MAST4: variants seen among roughly 807,000 people sequenced by gnomAD.
MAST4 encodes the protein microtubule associated serine/threonine kinase family member 4, also known as microtubule-associated serine/threonine-protein kinase 4.
In MAST4, 89 loss-of-function variants were observed where a neutral mutation model predicts 162.7. That is an observed-to-expected ratio of 0.55 (90% CI 0.46 to 0.65). MAST4 has a LOEUF of 0.65. Among genes scored for constraint, MAST4 ranks in the 30% least tolerant of loss-of-function variants. The pLI is 0.00. For missense variants in MAST4, 3,153 were observed against 3,374.0 expected, an observed-to-expected ratio of 0.93 and a Z score of 1.62; for synonymous variants, 1,479 against 1,361.1, an observed-to-expected ratio of 1.09 and a Z score of -1.91.
chr5:66,760,987 T>C (rs938107146), intron 2 of MAST4, among the ~76,000 whole-genome samples: 1 of 152,206 alleles, frequency 6.6e-6, no homozygotes, highest in African/African-American at 2.4e-5. Context: ...GAAAAGAAAC[T>C]GCTAAACGGT....
intron 1 of MAST4, among the ~76,000 whole-genome samples, chr5:66,647,026 A>G (rs1474263351): frequency 6.6e-6 from 1 of 152,134 alleles, no homozygotes; most frequent in Non-Finnish European, 1.5e-5. Context: ...TCCAAATGTA[A>G]TATAACATCC....
intron 3 of MAST4, among the ~76,000 whole-genome samples, chr5:66,877,371 C>T (rs572039546): frequency 6.6e-6 from 1 of 152,214 alleles, no homozygotes; most frequent in African/African-American, 2.4e-5. Flanking sequence ...ATCTGTACAG[C>T]AACCTGAGGA....
intron 1 of MAST4, among the ~76,000 whole-genome samples, chr5:66,681,773 A>G (rs28464246): frequency 1.3e-5 from 2 of 152,118 alleles, no homozygotes; most frequent in African/African-American, 2.4e-5. Flanking sequence ...ACCCACCTGT[A>G]TCTCTGCTGT....
chr5:66,618,583 C>T (rs1036064793), intron 1 of MAST4, among the ~76,000 whole-genome samples: 1 of 152,190 alleles, frequency 6.6e-6, no homozygotes, highest in Non-Finnish European at 1.5e-5. Context: ...TGTCTCATTA[C>T]AGAACTAAAC....
At chr5:66,828,853 T>G in intron 3 of MAST4, 1 of 1,606,826 alleles carries the variant, frequency 6.2e-7, no homozygotes, top group Non-Finnish European at 8.5e-7. Context: ...GATGGATGAG[T>G]CCAGCATTCT....
At chr5:66,821,294 T>C (rs1756982176) in intron 3 of MAST4, among the ~76,000 whole-genome samples, 1 of 152,226 alleles carries the variant, frequency 6.6e-6, no homozygotes, top group South Asian at 2.1e-4. Context: ...GAAAAAGACA[T>C]ATACAGTACA....
intron 9 of MAST4, among the ~76,000 whole-genome samples, chr5:67,103,553 A>G (rs1012544607): frequency 9.2e-5 from 14 of 152,224 alleles, no homozygotes; most frequent in Admixed American, 3.9e-4. Flanking sequence ...CCCTGCATAT[A>G]TAATTAATGT....
intron 4 of MAST4, among the ~76,000 whole-genome samples, chr5:66,919,789 C>T (rs927139527): frequency 6.6e-6 from 1 of 152,008 alleles, no homozygotes; most frequent in African/African-American, 2.4e-5. Flanking sequence ...TAAAGGTCAC[C>T]AGGACTGTTT....
intron 3 of MAST4, among the ~76,000 whole-genome samples, chr5:66,820,356 A>T (rs542512612): frequency 6.6e-6 from 1 of 152,222 alleles, no homozygotes; most frequent in Admixed American, 6.5e-5. Context: ...ATGTTAACAT[A>T]TGAGTTTCTA....
chr5:66,766,135 C>A (rs1188843187), intron 2 of MAST4, among the ~76,000 whole-genome samples: 3 of 152,272 alleles, frequency 2.0e-5, no homozygotes, highest in South Asian at 2.1e-4. Flanking sequence ...AGGACAGAAT[C>A]TTGGGATCTT....
At chr5:67,127,921 G>T (rs1768459544) in intron 14 of MAST4, among the ~76,000 whole-genome samples, 2 of 152,066 alleles carry the variant, frequency 1.3e-5, no homozygotes, top group African/African-American at 2.4e-5. Context: ...GTCTTTTGTT[G>T]GAAGTCCTTT....
At chr5:67,114,258 T>G (rs1478720469) in intron 12 of MAST4, 39 bp downstream of exon 12, 1 of 1,587,884 alleles carries the variant, frequency 6.3e-7, no homozygotes, top group Non-Finnish European at 8.5e-7. Flanking sequence ...ACTTTGCTTA[T>G]GCACTGTCGC....
intron 1 of MAST4, among the ~76,000 whole-genome samples, chr5:66,751,326 C>G (rs1303571006): frequency 6.6e-6 from 1 of 152,174 alleles, no homozygotes; most frequent in Non-Finnish European, 1.5e-5. Flanking sequence ...GAGAAGAAGG[C>G]TTCAGACAAT....
chr5:66,778,547 T>A (rs1169729507), intron 2 of MAST4, among the ~76,000 whole-genome samples: 1 of 152,230 alleles, frequency 6.6e-6, no homozygotes, highest in East Asian at 1.9e-4. Flanking sequence ...AGAAATAGTT[T>A]TTTTATGAAC....
chr5:66,974,463 C>G lies in MAST4; in HGVS notation c.674+74481C>G, dbSNP rs74769782. 3.3e-5 allele frequency among the ~76,000 whole-genome samples: 5 copies of G among 152,286 alleles called. 1 individual carries two copies. In the East Asian group the frequency reaches 9.6e-4, roughly 29 times the overall value. Reference sequence around the variant, plus strand: ...CTGCAAGGGGTTTACAGATGTTTGTCTGGAGTTCGTTGCAATTTTGCTTCT... The same window carrying G: ...CTGCAAGGGGTTTACAGATGTTTGTGTGGAGTTCGTTGCAATTTTGCTTCT... On this transcript the variant is annotated intron_variant, in intron 4 of 28. Coordinates refer to ENST00000403625, the MANE Select transcript of MAST4 (RefSeq NM_001164664.2).
In MAST4 at chr5:66,609,705, G is replaced by GT. The variant is rs77135146; in HGVS notation, c.363+12700dup. ...CCCAGCCTGGTGTTTTTTTTTTTTT[G>GT]TTTTTTTTTTTTTGTTTTGTTTTTA... On this transcript the variant is annotated intron_variant, in intron 1 of 28. Coordinates refer to ENST00000403625, the MANE Select transcript of MAST4 (RefSeq NM_001164664.2). 6.7e-3 allele frequency among the ~76,000 whole-genome samples: 715 copies of GT among 106,286 alleles called. 2 individuals are homozygous for GT. The highest frequency in any genetic ancestry group is 0.024 in the East Asian group (94 of 3,932). 69.7% of individuals were successfully genotyped at this position (106,286 alleles called of 152,430 possible).
At chr5:66,788,320 C>A (rs1280739950) in intron 2 of MAST4, among the ~76,000 whole-genome samples, 1 of 152,164 alleles carries the variant, frequency 6.6e-6, no homozygotes, top group Non-Finnish European at 1.5e-5. Flanking sequence ...AGAACACTTA[C>A]AAATGCACGC....
chr5:66,836,112 A>C lies in MAST4; in HGVS notation c.642+47318A>C, dbSNP rs181074397. On this transcript the variant is annotated intron_variant, in intron 3 of 28. Coordinates refer to ENST00000403625, the MANE Select transcript of MAST4 (RefSeq NM_001164664.2). ...CTTGAGCCTGGGAGGTTGAAGCTGC[A>C]GTGAGCTGTGTTCGTGCCACTGCAC... Among the ~76,000 whole-genome samples, 720 of 152,212 alleles carry C rather than the reference A, an allele frequency of 4.7e-3. 4 individuals are homozygous for C. The highest frequency in any genetic ancestry group is 4.3e-3 in the Non-Finnish European group (291 of 68,010).
chr5:66,753,531 A>C (rs1753326468), intron 1 of MAST4, among the ~76,000 whole-genome samples: 1 of 151,952 alleles, frequency 6.6e-6, no homozygotes, highest in East Asian at 1.9e-4. Context: ...ACCTCGACGC[A>C]AATAAACTAG....
Sources: gnomAD v4.1 joint callset for allele counts (sites outside exome capture counted in the v4.1 genomes callset) on GRCh38, gnomAD v4.1.1 for gene constraint, MANE v1.5 for transcripts, NCBI Gene and HGNC (gene_info 2026-07-23, HGNC 2026-07-21) for gene names.